Variants in IQCH observed in about 807,000 individuals in gnomAD.
IQCH encodes the protein IQ motif containing H.
Under a neutral mutation model 117.0 loss-of-function variants are expected in IQCH, and 98 were observed. The observed-to-expected ratio is 0.84, with a 90% CI of 0.71 to 0.99. The LOEUF is 0.99. IQCH is among the 50% of genes least tolerant of loss of function. IQCH has a pLI of 0.00. For missense variants in IQCH, 1,102 were observed against 1,243.8 expected (o/e 0.89, Z 1.72); for synonymous variants, 412 against 448.2 (o/e 0.92, Z 1.02).
At chr15:67,315,496 T>G (rs1199517950) in intron 4 of IQCH, among the ~76,000 whole-genome samples, 3 of 152,156 alleles carry the variant, frequency 2.0e-5, no homozygotes, top group Non-Finnish European at 4.4e-5. Flanking sequence ...TGCATTATGT[T>G]ATATCACATT....
Position 67,306,667 on chromosome 15 carries a change from A to G in IQCH, c.387+27155A>G, listed in dbSNP as rs192916978. On this transcript the variant is annotated intron_variant, in intron 4 of 20. Coordinates refer to ENST00000335894, the MANE Select transcript of IQCH (RefSeq NM_001031715.3). ...CATATACCCCCTGCCACACACACAT[A>G]CTCATATTGCAAAACTATCTTCAGA... Among the ~76,000 whole-genome samples the G allele has an allele frequency of 2.0e-5, 3 of 152,122 alleles. No individual in the cohort carries two copies. In the East Asian group the frequency reaches 5.8e-4, roughly 29 times the overall value.
chr15:67,281,840 A>G (rs1304929182), intron 4 of IQCH: 2 of 447,356 alleles, frequency 4.5e-6, no homozygotes, highest in East Asian at 7.0e-5. Flanking sequence ...GAATGGATAA[A>G]CAAAACCACC....
In IQCH at chr15:67,386,972, GA is replaced by G. The variant is rs1448495596; in HGVS notation, c.1457-1852del. ...TGTAACCTAGAAATTTTCTTCCCAAGAAAAAAATTATTTTTCATCTGTTACA... is the reference window on the plus strand; with the variant it reads ...TGTAACCTAGAAATTTTCTTCCCAAGAAAAAATTATTTTTCATCTGTTACA... On this transcript the variant is annotated intron_variant, in intron 11 of 20. Transcript: ENST00000335894. This position sits in a 1 kb window ranked among gnomAD's most constrained non-coding sequence, Gnocchi z 5.0. Among the ~76,000 whole-genome samples, 1 of 151,810 alleles carries G rather than the reference GA, an allele frequency of 6.6e-6. No individual in the cohort carries two copies. The highest frequency in any genetic ancestry group is 1.5e-5 in the Non-Finnish European group (1 of 67,928).
intron 6 of IQCH, among the ~76,000 whole-genome samples, chr15:67,348,970 C>A (rs1203684023): frequency 6.6e-6 from 1 of 152,194 alleles, no homozygotes; most frequent in Non-Finnish European, 1.5e-5. Context: ...TTGGTCAATT[C>A]ATTTTTGACA....
intron 4 of IQCH, among the ~76,000 whole-genome samples, chr15:67,303,223 T>C (rs1008329205): frequency 2.0e-5 from 3 of 152,122 alleles, no homozygotes; most frequent in Non-Finnish European, 4.4e-5. Context: ...TTATGAAATG[T>C]CCAGAATAGA....
chr15:67,304,496 G>A, intron 4 of IQCH: 2 of 981,916 alleles, frequency 2.0e-6, no homozygotes, highest in Non-Finnish European at 1.5e-6. Flanking sequence ...ATTTTTTTAA[G>A]AAATAAAAGT....
chr15:67,347,790 G>A (rs1288998349), intron 6 of IQCH, among the ~76,000 whole-genome samples: 1 of 147,066 alleles, frequency 6.8e-6, no homozygotes, highest in Non-Finnish European at 1.5e-5. Context: ...ATTGAATCTA[G>A]TGCTCTGTCT....
intron 4 of IQCH, among the ~76,000 whole-genome samples, chr15:67,331,199 A>G (rs1427178127): frequency 6.6e-6 from 1 of 152,180 alleles, no homozygotes; most frequent in Non-Finnish European, 1.5e-5. Flanking sequence ...AGGGAGGGGA[A>G]ATGGAAGGGA....
chr15:67,315,395 A>G (rs999560007), intron 4 of IQCH, among the ~76,000 whole-genome samples: 8 of 152,144 alleles, frequency 5.3e-5, no homozygotes, highest in African/African-American at 1.9e-4. Flanking sequence ...CTGTAAAGTG[A>G]GTGTTTTATG....
chr15:67,401,190 C>T lies in IQCH; in HGVS notation c.2097+885C>T, dbSNP rs1181944774. Among the ~76,000 whole-genome samples, 3 of 152,144 alleles carry T rather than the reference C, an allele frequency of 2.0e-5. No individual in the cohort carries two copies. The highest frequency in any genetic ancestry group is 6.5e-5 in the Admixed American group (1 of 15,268). On this transcript the variant is annotated intron_variant, in intron 14 of 20. Transcript: ENST00000335894. The surrounding 1 kb of genome is among the most constrained non-coding windows in gnomAD (Gnocchi z 4.7). ...GGTAAGAAGTCTTAGCATGAATGGA[C>T]GTGTATAGATTTTTTCCATGCACAT...
At chr15:67,420,744 T>A (rs1320296043) in intron 15 of IQCH, among the ~76,000 whole-genome samples, 1 of 152,240 alleles carries the variant, frequency 6.6e-6, no homozygotes, top group Non-Finnish European at 1.5e-5. Flanking sequence ...AACACGGCAA[T>A]ATCTCTTGGT....
At chr15:67,259,715 G>T (rs1567043660) in intron 1 of IQCH, among the ~76,000 whole-genome samples, 2 of 152,272 alleles carry the variant, frequency 1.3e-5, no homozygotes, top group Admixed American at 1.3e-4. Context: ...ACCAAAAAAT[G>T]CAGGCCTAGA....
chr15:67,377,842 AAG>A (rs1479618846), intron 10 of IQCH, among the ~76,000 whole-genome samples: 18 of 152,278 alleles, frequency 1.2e-4, no homozygotes, highest in Admixed American at 2.6e-4. Flanking sequence ...GATGACTAAA[AAG>A]AATGTATATA....
At chr15:67,442,547 G>A (rs1347025368) in intron 16 of IQCH, among the ~76,000 whole-genome samples, 1 of 152,154 alleles carries the variant, frequency 6.6e-6, no homozygotes, top group South Asian at 2.1e-4. Flanking sequence ...TGGCTTGGAT[G>A]CAGGTTACAG....
intron 4 of IQCH, among the ~76,000 whole-genome samples, chr15:67,304,643 T>A (rs1230421311): frequency 6.6e-6 from 1 of 152,160 alleles, no homozygotes; most frequent in African/African-American, 2.4e-5. Flanking sequence ...AAGCCTGTTT[T>A]TGAAGACTTA....
chr15:67,272,924 T>C (rs1596073858), intron 3 of IQCH, among the ~76,000 whole-genome samples: 1 of 152,216 alleles, frequency 6.6e-6, no homozygotes, highest in African/African-American at 2.4e-5. Flanking sequence ...AGTCTTATTA[T>C]TGCTGAGTAA....
chr15:67,337,148 T>C (rs1968931524), intron 5 of IQCH, 53 bp downstream of exon 5: 1 of 1,603,268 alleles, frequency 6.2e-7, no homozygotes, highest in South Asian at 1.1e-5. Flanking sequence ...AGAAAGAGCA[T>C]TGAGGTAGGA....
At chr15:67,468,475 C>G (rs2082988185) in intron 17 of IQCH, among the ~76,000 whole-genome samples, 2 of 152,198 alleles carry the variant, frequency 1.3e-5, no homozygotes, top group South Asian at 2.1e-4. Flanking sequence ...GCACACATTT[C>G]CCTGCTACTG....
intron 4 of IQCH, among the ~76,000 whole-genome samples, chr15:67,332,855 C>A (rs1174362531): frequency 3.3e-5 from 5 of 152,294 alleles, no homozygotes; most frequent in African/African-American, 9.6e-5. Flanking sequence ...TGCTTGAGGG[C>A]AGGCCACCTG....
Sources: allele counts gnomAD v4.1 joint callset (sites outside exome capture counted in the v4.1 genomes callset), GRCh38; gene constraint gnomAD v4.1.1; non-coding constraint Gnocchi (gnomAD v3.1); transcripts MANE v1.5; gene names NCBI Gene and HGNC (gene_info 2026-07-23, HGNC 2026-07-21).